The following PSMA5 variants were observed in gnomAD, a reference collection of about 807,000 sequenced individuals.
PSMA5 encodes proteasome 20S subunit alpha 5, also known as proteasome subunit alpha type-5.
In PSMA5, 3 loss-of-function variants were observed where a neutral mutation model predicts 34.5. The observed-to-expected ratio is 0.09, with a 90% CI of 0.04 to 0.22. The LOEUF (loss-of-function observed/expected upper bound fraction) is 0.22. Among genes scored for constraint, PSMA5 ranks in the 10% least tolerant of loss-of-function variants. The pLI, the probability that PSMA5 is intolerant of heterozygous loss-of-function variation, is 1.00. For synonymous variants in PSMA5, 88 were observed against 95.8 expected (o/e 0.92, Z 0.47); for missense variants, 120 against 286.1 (o/e 0.42, Z 4.19).
Position 109,400,094 on chromosome 1 carries a change from G to C in PSMA5, c.*1919C>G, listed in dbSNP as rs1171082952. On this transcript the variant is annotated 3_prime_UTR_variant, in exon 9 of 9. Coordinates refer to ENST00000271308, the MANE Select transcript of PSMA5 (RefSeq NM_002790.4). The stretch of plus-strand genomic sequence containing the variant: ...TCTTTGAAGAATGCCAATTATAGAA[G>C]GTACGAAATTTACTGTTTTACCAGG... 6.6e-6 allele frequency: 1 copy of C among 152,046 alleles called. No individual in the cohort carries two copies. Among genetic ancestry groups the C allele is most frequent in the Non-Finnish European group, 1.5e-5 (1 of 68,016 alleles). The allele number at this position is 152,046 out of a possible 1,614,324, so 9.4% of individuals were successfully genotyped here. A position where few individuals can be genotyped will look rare whatever the true frequency, so the allele number is the denominator to read the frequency against.
At chr1:109,417,863 A>G (rs2100969552) in intron 2 of PSMA5, among the ~76,000 whole-genome samples, 1 of 152,302 alleles carries the variant, frequency 6.6e-6, no homozygotes, top group South Asian at 2.1e-4. Flanking sequence ...ACAAAATTTC[A>G]GGAAAAAAAC....
Position 109,400,042 on chromosome 1 carries a change from A to G in PSMA5, c.*1971T>C, listed in dbSNP as rs1653442863. On this transcript the variant is annotated 3_prime_UTR_variant, in exon 9 of 9. Transcript: ENST00000271308. ...TTAACCTAAGAAAGCTTGTTTTAAT[A>G]TTCTACAAAAAAATCAAAGTTCTAC... is the stretch of plus-strand genomic sequence containing the variant. The G allele has an allele frequency of 6.6e-6, 1 of 152,224 alleles. No individual in the cohort carries two copies. Among genetic ancestry groups the G allele is most frequent in the African/African-American group, 2.4e-5 (1 of 41,466 alleles). 9.4% of individuals were successfully genotyped at this position (152,224 alleles called of 1,614,324 possible).
chr1:109,403,916 A>G (rs545348125), intron 8 of PSMA5, among the ~76,000 whole-genome samples: 1 of 152,346 alleles, frequency 6.6e-6, no homozygotes, highest in East Asian at 1.9e-4. Context: ...CTCTAATTAC[A>G]TGAAATGTCA....
chr1:109,401,061 C>T lies in PSMA5; in HGVS notation c.*952G>A, dbSNP rs1413309821. ...AAGTAGTGATACTGATACCATCTTC[C>T]CGTGGTAATTTTTGAGGCTGAGATA... On this transcript the variant is annotated 3_prime_UTR_variant, in exon 9 of 9. Transcript: ENST00000271308. 1 of 152,120 alleles carries T rather than the reference C, an allele frequency of 6.6e-6. No individual in the cohort carries two copies. The highest frequency in any genetic ancestry group is 1.5e-5 in the Non-Finnish European group (1 of 68,030). The allele number at this position is 152,120 out of a possible 1,614,324, so 9.4% of individuals were successfully genotyped here. A position where few individuals can be genotyped will look rare whatever the true frequency, so the allele number is the denominator to read the frequency against.
rs1653514786 is a variant in PSMA5, at chr1:109,401,393, A to G, written c.*620T>C. 6.6e-6 allele frequency: 1 copy of G among 152,172 alleles called. No individual in the cohort carries two copies. The highest frequency in any genetic ancestry group is 2.4e-5 in the African/African-American group (1 of 41,464). 9.4% of individuals were successfully genotyped at this position (152,172 alleles called of 1,614,324 possible). A position where few individuals can be genotyped will look rare whatever the true frequency, so the allele number is the denominator to read the frequency against. On this transcript the variant is annotated 3_prime_UTR_variant, in exon 9 of 9. Coordinates refer to ENST00000271308, the MANE Select transcript of PSMA5 (RefSeq NM_002790.4). Reference sequence around the variant, plus strand: ...GGACCTCAAAACATGTTCTTCTGATAGTCAATTAGTAGCATCTCCTTATAA... The same window carrying G: ...GGACCTCAAAACATGTTCTTCTGATGGTCAATTAGTAGCATCTCCTTATAA...
intron 2 of PSMA5, among the ~76,000 whole-genome samples, chr1:109,421,018 CAAAAA>C (rs60663577): frequency 1.1e-5 from 1 of 87,710 alleles, no homozygotes; most frequent in Non-Finnish European, 2.4e-5. Context: ...ACATCTCTAC[CAAAAA>C]AAAAAAAAAA....
At chr1:109,406,310 C>A (rs1044116283) in intron 8 of PSMA5, among the ~76,000 whole-genome samples, 2 of 152,052 alleles carry the variant, frequency 1.3e-5, no homozygotes, top group Non-Finnish European at 2.9e-5. Flanking sequence ...TTGGAGGAGA[C>A]TTGGCAATAA....
chr1:109,415,918 C>G (rs1654175399), intron 2 of PSMA5, among the ~76,000 whole-genome samples: 1 of 152,100 alleles, frequency 6.6e-6, no homozygotes, highest in African/African-American at 2.4e-5. Context: ...AGAACCACCA[C>G]CATCATCACC....
At chr1:109,408,572 G>A (rs1486007179) in intron 8 of PSMA5, among the ~76,000 whole-genome samples, 1 of 152,106 alleles carries the variant, frequency 6.6e-6, no homozygotes, top group Admixed American at 6.5e-5. Flanking sequence ...GCTATATAAT[G>A]GGTACTCAAT....
intron 1 of PSMA5, among the ~76,000 whole-genome samples, chr1:109,423,041 C>T (rs1557846267): frequency 1.3e-5 from 2 of 152,248 alleles, no homozygotes; most frequent in Non-Finnish European, 2.9e-5. Flanking sequence ...GCTATAAAAG[C>T]TTTGAGCACA....
chr1:109,424,830 T>C (rs988094612), intron 1 of PSMA5, among the ~76,000 whole-genome samples: 6 of 151,916 alleles, frequency 3.9e-5, no homozygotes, highest in Admixed American at 3.9e-4. Context: ...CTACTAAAAA[T>C]ACAAAAATTA....
rs202111146 is a variant in PSMA5, at chr1:109,413,024, G to A, written c.291+44C>T. 2.2e-4 allele frequency: 332 copies of A among 1,529,104 alleles called. 1 individual carries two copies. In the African/African-American group the frequency reaches 3.0e-3, roughly 14 times the overall value. The allele number at this position is 1,529,104 out of a possible 1,614,324, so 94.7% of individuals were successfully genotyped here. On this transcript the variant is annotated intron_variant, in intron 4 of 8. Coordinates refer to ENST00000271308, the MANE Select transcript of PSMA5 (RefSeq NM_002790.4). The stretch of plus-strand genomic sequence containing the variant: ...AGGCAGCTAGATAATCACTAAACAA[G>A]GAACTCAAGCATCCTGGTAAAAAGG...
At chr1:109,414,440 C>T (rs1654115848) in intron 3 of PSMA5, among the ~76,000 whole-genome samples, 2 of 152,218 alleles carry the variant, frequency 1.3e-5, no homozygotes, top group Non-Finnish European at 2.9e-5. Flanking sequence ...TCCACCACCA[C>T]AATTAGACTG....
Position 109,402,105 on chromosome 1 carries a change from G to A in PSMA5, c.649-15C>T, listed in dbSNP as rs1299781776. On this transcript the variant is annotated splice_polypyrimidine_tract_variant and intron_variant, in intron 8 of 8. Coordinates refer to ENST00000271308, the MANE Select transcript of PSMA5 (RefSeq NM_002790.4). Reference sequence around the variant, plus strand: ...ACTGTGGCTAGCTGGAAAGAAAACAGAAGGGTTAATAAGCTGGGCTGAGTT... The same window carrying A: ...ACTGTGGCTAGCTGGAAAGAAAACAAAAGGGTTAATAAGCTGGGCTGAGTT... 1 of 1,602,318 alleles carries A rather than the reference G, an allele frequency of 6.2e-7. No homozygotes were observed. The highest frequency in any genetic ancestry group is 1.7e-5 in the Admixed American group (1 of 59,588).
chr1:109,415,196 C>G (rs373935462), intron 3 of PSMA5, 41 bp downstream of exon 3: 47 of 1,595,774 alleles, frequency 2.9e-5, no homozygotes, highest in Non-Finnish European at 3.4e-6. Context: ...ACTAATTAAC[C>G]CAGACCAGAT....
chr1:109,426,410 G>T lies in PSMA5; in HGVS notation c.-80C>A. 6.4e-7 allele frequency: 1 copy of T among 1,565,020 alleles called. No homozygotes were observed. The highest frequency in any genetic ancestry group is 8.8e-7 in the Non-Finnish European group (1 of 1,135,596). On this transcript the variant is annotated 5_prime_UTR_variant, in exon 1 of 9. The change creates a new upstream start codon in the 5' untranslated region. Coordinates refer to ENST00000271308, the MANE Select transcript of PSMA5 (RefSeq NM_002790.4). The stretch of plus-strand genomic sequence containing the variant: ...TCCACCGGCACCCAACTCACCGGCA[G>T]CCAACTCACCCACACGGCCGCAGTA...
At chr1:109,412,034 C>A (rs763028663) in intron 5 of PSMA5, 43 bp downstream of exon 5, 89 of 1,586,430 alleles carry the variant, frequency 5.6e-5, no homozygotes, top group Non-Finnish European at 7.7e-5. Flanking sequence ...TGTCCTAAGT[C>A]CCATAGAACA....
At chr1:109,423,189 A>G (rs2100975864) in intron 1 of PSMA5, among the ~76,000 whole-genome samples, 1 of 152,382 alleles carries the variant, frequency 6.6e-6, no homozygotes, top group East Asian at 1.9e-4. Context: ...CTGTAATCCC[A>G]GCACGTTGGG....
At chr1:109,415,181 A>C (rs1250987373) in intron 3 of PSMA5, 56 bp downstream of exon 3, 3 of 1,559,030 alleles carry the variant, frequency 1.9e-6, no homozygotes, top group Non-Finnish European at 2.6e-6. Flanking sequence ...GGAACATCAT[A>C]GAGGACTAAT....
Sources: allele counts gnomAD v4.1 joint callset (sites outside exome capture counted in the v4.1 genomes callset), GRCh38; gene constraint gnomAD v4.1.1; transcripts MANE v1.5; gene names NCBI Gene and HGNC (gene_info 2026-07-23, HGNC 2026-07-21).